The following PRSS41 variants were observed in gnomAD, a reference collection of about 807,000 sequenced individuals.
The protein encoded by PRSS41 is protease, serine 41.
Under a neutral mutation model 28.8 loss-of-function variants are expected in PRSS41, and 37 were observed. That is an observed-to-expected ratio of 1.29 (90% CI 0.99 to 1.69). The LOEUF is 1.69. Among genes scored for constraint, PRSS41 ranks in the 40% most tolerant of loss-of-function variants. The pLI is 0.00. For synonymous variants in PRSS41, 195 were observed against 163.1 expected, an observed-to-expected ratio of 1.20 and a Z score of -1.49; for missense variants, 431 against 400.7, an observed-to-expected ratio of 1.08 and a Z score of -0.65.
chr16:2,802,281 A>T (rs2068993782), intron 4 of PRSS41, among the ~76,000 whole-genome samples: 1 of 139,150 alleles, frequency 7.2e-6, no homozygotes, highest in Non-Finnish European at 1.5e-5. Flanking sequence ...ATCTCAGACG[A>T]TGGGCGGCCG....
intron 2 of PRSS41, 42 bp downstream of exon 2, chr16:2,798,704 G>A: frequency 7.0e-7 from 1 of 1,423,394 alleles, no homozygotes. Flanking sequence ...GGGCGGCTGG[G>A]CCGGGGTGCA....
At position 2,804,482 on chromosome 16, in the gene PRSS41, G is replaced by A. The variant is rs368414755; in HGVS notation, c.635G>A (p.Arg212His). ...TACCTGTTTGAACAGCCCTCTAGCC[G>A]TAGTATGATCTGGGATTCCATGTTT... Residue 212 changes from arginine (R) to histidine (H), a missense_variant, in exon 5 of 6, where the codon CGT becomes CAT. By Grantham distance (29) the Arg-to-His change is conservative. Coordinates refer to ENST00000399677, the Ensembl canonical transcript of PRSS41. 68 of 1,551,592 alleles carry A rather than the reference G, an allele frequency of 4.4e-5. No homozygotes were observed. Among genetic ancestry groups the A allele is most frequent in the African/African-American group, 2.5e-4 (18 of 73,148 alleles).
intron 2 of PRSS41, 47 bp from the exon 3 acceptor site, chr16:2,798,912 A>T: frequency 1.3e-6 from 1 of 758,434 alleles, no homozygotes; most frequent in Non-Finnish European, 1.9e-6. Context: ...GGGCCTGCCC[A>T]CCCCACCCCA....
At chr16:2,802,030 C>T (rs576627191) in intron 4 of PRSS41, among the ~76,000 whole-genome samples, 2 of 148,586 alleles carry the variant, frequency 1.3e-5, no homozygotes, top group South Asian at 4.2e-4. Context: ...TGACCCCCCC[C>T]ACCTCCCTCC....
At chr16:2,798,548 G>C in exon 1 of PRSS41, 1 of 1,533,504 alleles carries the variant, frequency 6.5e-7, no homozygotes, top group Non-Finnish European at 8.8e-7. Flanking sequence ...CGGGAAGCCG[G>C]GTGAGCTCGG....
At chr16:2,801,928 C>T (rs867883140) in intron 4 of PRSS41, among the ~76,000 whole-genome samples, 158 of 150,180 alleles carry the variant, frequency 1.1e-3, no homozygotes, top group Middle Eastern at 3.6e-3. Context: ...CGGGCAGAGG[C>T]GCCCCTCACC....
exon 4 of PRSS41, chr16:2,799,511 C>T: frequency 6.4e-7 from 1 of 1,551,946 alleles, no homozygotes; most frequent in Non-Finnish European, 8.7e-7. Flanking sequence ...CCACCTTCAA[C>T]TTCGTGCACC....
In PRSS41 at chr16:2,803,075, G is replaced by A. The variant is rs150265094; in HGVS notation, c.542-1314G>A. The stretch of plus-strand genomic sequence containing the variant: ...TATAAGGAGCACCTATCTGGATCCA[G>A]TGATTTTTTTAAAAGCGATTTTATC... On this transcript the variant is annotated intron_variant, in intron 4 of 5. Coordinates refer to ENST00000399677, the Ensembl canonical transcript of PRSS41. 5.5e-3 allele frequency among the ~76,000 whole-genome samples: 837 copies of A among 152,000 alleles called. 5 individuals are homozygous for A. Among genetic ancestry groups the A allele is most frequent in the Middle Eastern group, 0.02 (6 of 294 alleles).
chr16:2,798,855 C>G (rs75050697), intron 2 of PRSS41, 104 bp from the exon 3 acceptor site: 1 of 1,339,170 alleles, frequency 7.5e-7, no homozygotes, highest in Middle Eastern at 2.7e-4. Flanking sequence ...CGCGGTTCCC[C>G]GGGGAGCCCC....
intron 4 of PRSS41, 113 bp downstream of exon 4, chr16:2,799,682 A>G: frequency 9.2e-7 from 1 of 1,085,550 alleles, no homozygotes; most frequent in South Asian, 1.5e-5. Context: ...TGGGGCTGCA[A>G]CCTGCGCCCC....
At chr16:2,804,539 C>T (rs1246437928) in exon 5 of PRSS41, 3 of 1,550,512 alleles carry the variant, frequency 1.9e-6, no homozygotes, top group Admixed American at 2.0e-5. Flanking sequence ...AGTGTAGACA[C>T]CTGCAAAGTG....
rs2068973303 is a variant in PRSS41, at chr16:2,799,574, G to A, written c.541+5G>A. 2.6e-6 allele frequency: 4 copies of A among 1,551,006 alleles called. No individual in the cohort carries two copies. The highest frequency in any genetic ancestry group is 1.2e-5 in the South Asian group (1 of 84,048). On this transcript the variant is annotated splice_donor_5th_base_variant and intron_variant, in intron 4 of 5. Transcript: ENST00000399677. ...GGTTAATCAGCCCCAGTGGCAGTGA[G>A]GCTGGGGATAGACCGGGTGGGGTGA...
chr16:2,802,087 G>C, intron 4 of PRSS41, among the ~76,000 whole-genome samples: 1 of 151,612 alleles, frequency 6.6e-6, no homozygotes, highest in Non-Finnish European at 1.5e-5. Flanking sequence ...TTCCCAGATG[G>C]GGTGGCTGCC....
At chr16:2,798,483 C>T (rs1255479880), upstream of PRSS41, 2 of 1,503,172 alleles carry the variant, frequency 1.3e-6, no homozygotes, top group Non-Finnish European at 8.8e-7. Context: ...GGAGAGGAGG[C>T]CATGGGCGCG....
chr16:2,805,254 G>T, exon 6 of PRSS41: 1 of 709,896 alleles, frequency 1.4e-6, no homozygotes, highest in Middle Eastern at 4.0e-4. Context: ...TGCTGGATCA[G>T]ATTCCGGCCC....
At chr16:2,801,744 C>A (rs1316733144) in intron 4 of PRSS41, among the ~76,000 whole-genome samples, 1 of 152,214 alleles carries the variant, frequency 6.6e-6, no homozygotes, top group Non-Finnish European at 1.5e-5. Flanking sequence ...CTACCTCTTT[C>A]TACACAGACA....
chr16:2,799,512 T>C, exon 4 of PRSS41: 1 of 1,551,918 alleles, frequency 6.4e-7, no homozygotes, highest in Non-Finnish European at 8.7e-7. Flanking sequence ...CACCTTCAAC[T>C]TCGTGCACCG....
At chr16:2,801,655 G>A (rs2068986906) in intron 4 of PRSS41, among the ~76,000 whole-genome samples, 1 of 150,954 alleles carries the variant, frequency 6.6e-6, no homozygotes, top group Admixed American at 6.6e-5. Flanking sequence ...ACAGGGTTGG[G>A]GGTAAGGTCA....
intron 4 of PRSS41, 93 bp downstream of exon 4, chr16:2,799,662 C>G (rs867999738): frequency 1.2e-5 from 16 of 1,355,594 alleles, no homozygotes; most frequent in East Asian, 2.5e-5. Context: ...CAGCAGCCCC[C>G]TCCTTGGTCT....
Sources: allele counts gnomAD v4.1 joint callset (sites outside exome capture counted in the v4.1 genomes callset), GRCh38; gene constraint gnomAD v4.1.1; transcripts MANE v1.5; gene names NCBI Gene and HGNC (gene_info 2026-07-23, HGNC 2026-07-21).